The following LHX9 variants were observed in gnomAD, a reference collection of about 807,000 sequenced individuals.
The protein encoded by LHX9 is LIM homeobox 9, also known as LIM/homeobox protein Lhx9.
A neutral mutation model predicts 36.5 loss-of-function variants in LHX9; 9 were observed. That is an observed-to-expected ratio of 0.25 (90% confidence interval 0.15 to 0.43). The LOEUF is 0.43. Among genes scored for constraint, LHX9 ranks in the 20% least tolerant of loss-of-function variants. The pLI is 1.00. For synonymous variants in LHX9, 211 were observed against 212.1 expected, an observed-to-expected ratio of 0.99 and a Z score of 0.04; for missense variants, 464 against 526.4, an observed-to-expected ratio of 0.88 and a Z score of 1.16.
At chr1:197,914,083 T>C (rs550985667), upstream of LHX9, among the ~76,000 whole-genome samples, 15 of 152,190 alleles carry the variant, frequency 9.9e-5, no homozygotes, top group Non-Finnish European at 1.6e-4. Context: ...CCAACTATTA[T>C]GCTCCACTAT....
In LHX9 at chr1:197,929,075, C is replaced by T; in HGVS notation, c.1010C>T (p.Ala337Val). 1 of 1,613,670 alleles carries T rather than the reference C, an allele frequency of 6.2e-7. No homozygotes were observed. Among genetic ancestry groups the T allele is most frequent in the Non-Finnish European group, 8.5e-7 (1 of 1,179,896 alleles). The change falls in exon 5 of 5, where the codon GCT becomes GTT. Residue 337 changes from alanine (A) to valine (V), a missense_variant. By Grantham distance (64) the Ala-to-Val change is moderately conservative. Coordinates refer to ENST00000367387, the MANE Select transcript of LHX9 (RefSeq NM_020204.3). ...LRQENGGVDKADGTSLPAPPS... is the reference protein window; with the variant it reads ...LRQENGGVDKVDGTSLPAPPS... ...CAGGAGAATGGGGGTGTTGATAAAG[C>T]TGACGGCACGTCGCTTCCGGCCCCG...
rs12046958 is a variant in LHX9, at chr1:197,927,598, T to C, written c.741T>C (p.Asn247=). 339,297 of 1,613,478 alleles carry C rather than the reference T, an allele frequency of 0.21. 38,021 individuals are homozygous for C. Among genetic ancestry groups the C allele is most frequent in the East Asian group, 0.4 (17,751 of 44,852 alleles). ...VDIVNYNSGC[N]ENEADHLDRD... ...TCACTGTTACTGCAACAGGTTGTAA[T>C]GAGAATGAGGCAGACCACTTGGACC... is the stretch of plus-strand genomic sequence containing the variant. The change falls in exon 4 of 5, where the codon AAT becomes AAC. Residue 247 remains asparagine (N), a synonymous_variant. Transcript: ENST00000367387.
Position 197,930,474 on chromosome 1 carries a change from G to A in LHX9, c.*1215G>A, listed in dbSNP as rs1255586413. 1 of 151,724 alleles carries A rather than the reference G, an allele frequency of 6.6e-6. No homozygotes were observed. The highest frequency in any genetic ancestry group is 1.5e-5 in the Non-Finnish European group (1 of 67,824). 9.4% of individuals were successfully genotyped at this position (151,724 alleles called of 1,614,324 possible). A position where few individuals can be genotyped will look rare whatever the true frequency, so the allele number is the denominator to read the frequency against. ...GCAGTGGTGAATGTTCATCTATTAC[G>A]CTTCTGTTGTAGTTAAATACCAATT... On this transcript the variant is annotated 3_prime_UTR_variant, in exon 5 of 5. Coordinates refer to ENST00000367387, the MANE Select transcript of LHX9 (RefSeq NM_020204.3).
Position 197,918,014 on chromosome 1 carries a change from C to T in LHX9, c.174+17C>T. On this transcript the variant is annotated intron_variant, in intron 1 of 4. Coordinates refer to ENST00000367387, the MANE Select transcript of LHX9 (RefSeq NM_020204.3). ...CGCGACGCGGTAAGGAAGGGCTCCG[C>T]CGCGGCGGTAGCCGGGCACCCCTGC... is the stretch of plus-strand genomic sequence containing the variant. The T allele has an allele frequency of 1.2e-6, 2 of 1,604,354 alleles. No individual in the cohort carries two copies. The highest frequency in any genetic ancestry group is 1.7e-6 in the Non-Finnish European group (2 of 1,176,324).
At chr1:197,914,495 G>T (rs925613874), upstream of LHX9, among the ~76,000 whole-genome samples, 3 of 152,024 alleles carry the variant, frequency 2.0e-5, no homozygotes, top group Non-Finnish European at 4.4e-5. Flanking sequence ...TATTTAAAGT[G>T]CTTATTTAAA....
chr1:197,928,903 AAAGAAAGAAAG>A, intron 4 of LHX9, 88 bp from the exon 5 acceptor site: 1 of 1,347,420 alleles, frequency 7.4e-7, no homozygotes, highest in Non-Finnish European at 9.8e-7. Flanking sequence ...CAAAAAAAAA[AAAGAAAGAAAG>A]AAAAAGAAAA....
rs550502712 is a variant in LHX9 at position 197,921,235 on chromosome 1, AG to A, written c.378-67del. 371 of 1,356,096 alleles carry A rather than the reference AG, an allele frequency of 2.7e-4. 6 individuals are homozygous for A. In the South Asian group the frequency reaches 4.7e-3, roughly 17 times the overall value. 84.0% of individuals were successfully genotyped at this position (1,356,096 alleles called of 1,614,324 possible). On this transcript the variant is annotated intron_variant, in intron 2 of 4. Transcript: ENST00000367387. This position sits in a 1 kb window ranked among gnomAD's most constrained non-coding sequence, Gnocchi z 4.6. ...TCTCAGGCCACTGCAGACCAAACCC[AG>A]GTGTCGCGGGTGGGATATGGCTCTG...
rs1557971296 is a variant in LHX9, at chr1:197,918,012, C to T, written c.174+15C>T. The T allele has an allele frequency of 1.9e-6, 3 of 1,604,710 alleles. No homozygotes were observed. Among genetic ancestry groups the T allele is most frequent in the Non-Finnish European group, 2.6e-6 (3 of 1,176,438 alleles). On this transcript the variant is annotated intron_variant, in intron 1 of 4. Transcript: ENST00000367387. ...GCCGCGACGCGGTAAGGAAGGGCTC[C>T]GCCGCGGCGGTAGCCGGGCACCCCT...
chr1:197,925,855 T>C (rs948062648), intron 3 of LHX9, among the ~76,000 whole-genome samples: 2 of 152,238 alleles, frequency 1.3e-5, no homozygotes, highest in Non-Finnish European at 2.9e-5. Context: ...ACTTGTAATT[T>C]ACTGATGAAC....
chr1:197,927,917 C>A, intron 4 of LHX9, 124 bp downstream of exon 4: 2 of 916,402 alleles, frequency 2.2e-6, no homozygotes, highest in Non-Finnish European at 3.4e-6. Context: ...TTTATCTTAG[C>A]TATCTCCCTA....
rs1327803770 is a variant in LHX9 at position 197,921,451 on chromosome 1, C to T, written c.525C>T (p.Gly175=). ...CTCTGACCACGGGCGACCATTTCGGCATGAAGGACAGCCTGGTGTACTGCC... is the reference window on the plus strand; with the variant it reads ...CTCTGACCACGGGCGACCATTTCGGTATGAAGGACAGCCTGGTGTACTGCC... ...NKTLTTGDHF[G]MKDSLVYCRA... Residue 175 remains glycine, a synonymous_variant, in exon 3 of 5, where the codon GGC becomes GGT. Transcript: ENST00000367387. The surrounding 1 kb of genome is among the most constrained non-coding windows in gnomAD (Gnocchi z 4.6). 6 of 1,614,106 alleles carry T rather than the reference C, an allele frequency of 3.7e-6. No individual in the cohort carries two copies. The African/African-American group carries it at 6.7e-5, about 18-fold the overall frequency.
chr1:197,928,781 G>A (rs1660223818), intron 4 of LHX9, among the ~76,000 whole-genome samples: 2 of 150,188 alleles, frequency 1.3e-5, no homozygotes, highest in Admixed American at 1.3e-4. Flanking sequence ...GCAGTTGAGA[G>A]ATAATAAATC....
Position 197,934,237 on chromosome 1 carries a change from C to T in LHX9, c.*4978C>T, listed in dbSNP as rs1228644552. The T allele has an allele frequency of 6.8e-6, 1 of 146,880 alleles. No homozygotes were observed. 9.1% of individuals were successfully genotyped at this position (146,880 alleles called of 1,614,324 possible). A position where few individuals can be genotyped will look rare whatever the true frequency, so the allele number is the denominator to read the frequency against. On this transcript the variant is annotated 3_prime_UTR_variant, in exon 5 of 5. Transcript: ENST00000367387. ...TACCACACATTCTTTTATAATAACC[C>T]TTTTTTGGGAGTCAAAGTATTGTTT...
At chr1:197,913,419 T>A (rs1021470705), upstream of LHX9, among the ~76,000 whole-genome samples, 2 of 152,074 alleles carry the variant, frequency 1.3e-5, no homozygotes, top group African/African-American at 4.8e-5. Flanking sequence ...CTGACTCCCA[T>A]TTGTCTTGAG....
intron 1 of LHX9, among the ~76,000 whole-genome samples, chr1:197,919,440 A>C (rs2102593604): frequency 6.6e-6 from 1 of 152,352 alleles, no homozygotes; most frequent in East Asian, 1.9e-4. Flanking sequence ...TATCTCAATC[A>C]AAACAAAGTC....
chr1:197,924,285 G>T (rs1259155926), intron 3 of LHX9, among the ~76,000 whole-genome samples: 1 of 152,146 alleles, frequency 6.6e-6, no homozygotes, highest in Non-Finnish European at 1.5e-5. Context: ...CTCATAAAGG[G>T]TAAGGTTGAT....
Position 197,921,364 on chromosome 1 carries a change from C to T in LHX9, c.438C>T (p.Val146=). ...CHLGISASEM[V]MRARDSVYHL... is the part of the protein sequence containing the mutation. ...TTGGCATTTCCGCCTCGGAGATGGT[C>T]ATGCGCGCCCGAGACTCTGTCTACC... The change falls in exon 3 of 5, where the codon GTC becomes GTT. Residue 146 remains valine, a synonymous_variant. Transcript: ENST00000367387. This position sits in a 1 kb window ranked among gnomAD's most constrained non-coding sequence, Gnocchi z 4.6. The T allele has an allele frequency of 6.2e-7, 1 of 1,614,174 alleles. No homozygotes were observed. Among genetic ancestry groups the T allele is most frequent in the Non-Finnish European group, 8.5e-7 (1 of 1,180,030 alleles).
chr1:197,926,300 C>G (rs948033256), intron 3 of LHX9, among the ~76,000 whole-genome samples: 1 of 152,056 alleles, frequency 6.6e-6, no homozygotes, highest in African/African-American at 2.4e-5. Context: ...GTTTCTTTCT[C>G]CCTGGAATGA....
chr1:197,923,775 T>G (rs1402341280), intron 3 of LHX9, among the ~76,000 whole-genome samples: 3 of 152,194 alleles, frequency 2.0e-5, no homozygotes, highest in Non-Finnish European at 2.9e-5. Context: ...CAAATTTATT[T>G]TTAAGAAGAA....
Sources: gnomAD v4.1 joint callset for allele counts (sites outside exome capture counted in the v4.1 genomes callset) on GRCh38, gnomAD v4.1.1 for gene constraint, Gnocchi (gnomAD v3.1) non-coding constraint, MANE v1.5 for transcripts, NCBI Gene and HGNC (gene_info 2026-07-23, HGNC 2026-07-21) for gene names.